SLC6A5: variants seen among roughly 807,000 people sequenced by gnomAD.
SLC6A5 encodes solute carrier family 6 member 5, also known as sodium- and chloride-dependent glycine transporter 2.
Under a neutral mutation model 90.5 loss-of-function variants are expected in SLC6A5, and 58 were observed. The observed-to-expected ratio is 0.64, with a 90% CI of 0.52 to 0.80. The LOEUF is 0.80. Ranked by LOEUF, SLC6A5 falls within the 30% of genes least tolerant of loss-of-function variation. The pLI is 0.00. For synonymous variants in SLC6A5, 427 were observed against 401.4 expected (o/e 1.06, Z -0.76); for missense variants, 1,015 against 1,017.6 (o/e 1.00, Z 0.03).
chr11:20,625,690 G>A (rs977313049), intron 7 of SLC6A5, among the ~76,000 whole-genome samples: 1 of 151,584 alleles, frequency 6.6e-6, no homozygotes, highest in African/African-American at 2.4e-5. Context: ...CCTACTCTTA[G>A]CCTCAACTTT....
At chr11:20,615,379 T>A (rs914568020) in intron 6 of SLC6A5, among the ~76,000 whole-genome samples, 4 of 152,180 alleles carry the variant, frequency 2.6e-5, no homozygotes, top group Non-Finnish European at 5.9e-5. Context: ...TTTCCTTTTT[T>A]TTCTTTTGAG....
At chr11:20,628,762 C>T (rs1039889479) in intron 9 of SLC6A5, among the ~76,000 whole-genome samples, 3 of 152,186 alleles carry the variant, frequency 2.0e-5, no homozygotes, top group African/African-American at 7.2e-5. Flanking sequence ...GCATTGCTAT[C>T]TTCTTTATTA....
chr11:20,654,790 C>A lies in SLC6A5; in HGVS notation c.2316C>A (p.Asn772Lys), dbSNP rs772269368. 1 of 1,614,150 alleles carries A rather than the reference C, an allele frequency of 6.2e-7. No homozygotes were observed. The highest frequency in any genetic ancestry group is 1.1e-5 in the South Asian group (1 of 91,080). Reference protein sequence around the residue: ...LAQHRGERYKNMIDPLGTSSL... With the variant: ...LAQHRGERYKKMIDPLGTSSL... ...AACACCGCGGGGAGCGTTACAAGAA[C>A]ATGATCGACCCCTTGGGAACCTCTT... Residue 772 changes from asparagine (N) to lysine (K), a missense_variant, in exon 16 of 16, where the codon AAC becomes AAA. This residue lies in a region of SLC6A5 where 442 missense variants were observed against 494.3 expected (regional missense o/e 0.89). Coordinates refer to ENST00000525748, the MANE Select transcript of SLC6A5 (RefSeq NM_004211.5).
chr11:20,604,264 C>A, intron 2 of SLC6A5, 22 bp from the exon 3 acceptor site: 1 of 1,601,282 alleles, frequency 6.2e-7, no homozygotes, highest in Non-Finnish European at 8.5e-7. Context: ...CTGTTATCGA[C>A]AATGTGCTTT....
At chr11:20,618,918 G>A (rs982245790) in intron 7 of SLC6A5, among the ~76,000 whole-genome samples, 1 of 149,242 alleles carries the variant, frequency 6.7e-6, no homozygotes, top group African/African-American at 2.5e-5. Flanking sequence ...GAGTGACAGG[G>A]TGACAGAGTG....
chr11:20,610,444 C>G (rs1193858116), intron 5 of SLC6A5, among the ~76,000 whole-genome samples: 1 of 152,236 alleles, frequency 6.6e-6, no homozygotes, highest in African/African-American at 2.4e-5. Flanking sequence ...GAGACGCTCT[C>G]TAGTGAGGCT....
intron 12 of SLC6A5, among the ~76,000 whole-genome samples, chr11:20,637,695 C>CCTGG (rs1365795080): frequency 6.6e-6 from 1 of 152,132 alleles, no homozygotes; most frequent in East Asian, 1.9e-4. Flanking sequence ...TATACTCCTG[C>CCTGG]CTGGGCAACA....
chr11:20,619,707 A>G (rs1308467289), intron 7 of SLC6A5, among the ~76,000 whole-genome samples: 1 of 151,920 alleles, frequency 6.6e-6, no homozygotes, highest in East Asian at 1.9e-4. Context: ...TTCTAAGGTG[A>G]GGGTAATTGG....
intron 15 of SLC6A5, among the ~76,000 whole-genome samples, chr11:20,653,585 G>A (rs1233233283): frequency 6.6e-6 from 1 of 152,222 alleles, no homozygotes; most frequent in Non-Finnish European, 1.5e-5. Context: ...GGGTGGGGAG[G>A]TAGCTTTTGT....
chr11:20,630,953 G>A, intron 10 of SLC6A5, 138 bp downstream of exon 10: 1 of 943,960 alleles, frequency 1.1e-6, no homozygotes, highest in Non-Finnish European at 1.7e-6. Flanking sequence ...TCTTTACAGA[G>A]GGACCAAGGC....
intron 14 of SLC6A5, among the ~76,000 whole-genome samples, chr11:20,650,109 T>C (rs1165729212): frequency 2.6e-5 from 4 of 152,148 alleles, no homozygotes; most frequent in Admixed American, 2.6e-4. Context: ...CAAAATTCCT[T>C]CCAATCACTT....
intron 7 of SLC6A5, among the ~76,000 whole-genome samples, chr11:20,622,882 G>A (rs917587624): frequency 6.6e-6 from 1 of 152,174 alleles, no homozygotes; most frequent in Non-Finnish European, 1.5e-5. Flanking sequence ...TGTTTTGGGG[G>A]CAGGAAAGTC....
intron 10 of SLC6A5, among the ~76,000 whole-genome samples, 179 bp downstream of exon 10, chr11:20,630,994 A>G (rs1853099610): frequency 6.6e-6 from 1 of 152,230 alleles, no homozygotes; most frequent in African/African-American, 2.4e-5. Context: ...CTGCAGAGTC[A>G]GAACTGGCTG....
At chr11:20,606,111 C>G (rs1354596375) in intron 3 of SLC6A5, among the ~76,000 whole-genome samples, 1 of 152,214 alleles carries the variant, frequency 6.6e-6, no homozygotes, top group Non-Finnish European at 1.5e-5. Flanking sequence ...TGGTCAAAAC[C>G]TTTTCAAAAA....
intron 7 of SLC6A5, among the ~76,000 whole-genome samples, chr11:20,618,543 C>A (rs1852827075): frequency 1.3e-5 from 2 of 152,240 alleles, no homozygotes; most frequent in South Asian, 4.2e-4. Context: ...AAGCTCAGTT[C>A]CAAGCCACAG....
At chr11:20,615,770 T>C (rs1852773886) in intron 6 of SLC6A5, among the ~76,000 whole-genome samples, 1 of 151,308 alleles carries the variant, frequency 6.6e-6, no homozygotes, top group Admixed American at 6.6e-5. Context: ...TAAATTCAAA[T>C]GTACTCGGGC....
intron 13 of SLC6A5, among the ~76,000 whole-genome samples, chr11:20,641,366 C>T (rs555429241): frequency 1.3e-5 from 2 of 152,248 alleles, no homozygotes; most frequent in East Asian, 1.9e-4. Flanking sequence ...TCCCAGATGG[C>T]CTCTCTTCAC....
In SLC6A5 at chr11:20,642,146, G is replaced by T. The variant is rs191919948; in HGVS notation, c.1969+3588G>T. On this transcript the variant is annotated intron_variant, in intron 13 of 15. Coordinates refer to ENST00000525748, the MANE Select transcript of SLC6A5 (RefSeq NM_004211.5). ...GTCACTTGTTAAAAAAAAATATGAA[G>T]TTCAATATGGTAGCTGGAGAGCGCT... Among the ~76,000 whole-genome samples, 448 of 150,182 alleles carry T rather than the reference G, an allele frequency of 3.0e-3. 3 individuals are homozygous for T. Among genetic ancestry groups the T allele is most frequent in the African/African-American group, 0.011 (435 of 41,080 alleles).
Position 20,601,137 on chromosome 11 carries a change from T to A in SLC6A5, c.12T>A (p.Ser4Arg). 1 of 1,590,680 alleles carries A rather than the reference T, an allele frequency of 6.3e-7. No individual in the cohort carries two copies. Among genetic ancestry groups the A allele is most frequent in the Non-Finnish European group, 8.5e-7 (1 of 1,176,078 alleles). Residue 4 changes from serine to arginine, a missense_variant, in exon 2 of 16, where the codon AGT becomes AGA. Ser to Arg is a moderately radical substitution (Grantham distance 110). Transcript: ENST00000525748. The part of the protein sequence containing the change: MDC[S>R]APKEMNKLPA... ...TGACATTGTGTTTGCAGGATTGCAG[T>A]GCTCCCAAGGAAATGAATAAACTGC...
Sources: gnomAD v4.1 joint callset for allele counts (sites outside exome capture counted in the v4.1 genomes callset) on GRCh38, gnomAD v4.1.1 for gene constraint, gnomAD v4.1.1 regional missense constraint, MANE v1.5 for transcripts, NCBI Gene and HGNC (gene_info 2026-07-23, HGNC 2026-07-21) for gene names.